IQCM: variants seen among roughly 807,000 people sequenced by gnomAD.
IQCM encodes IQ motif containing M, also known as IQ domain-containing protein M.
IQCM carries 45 observed loss-of-function variants against 57.6 expected under a neutral mutation model. That is an observed-to-expected ratio of 0.78 (90% CI 0.62 to 1.00). The LOEUF is 1.00. Ranked by LOEUF, IQCM falls within the 50% of genes least tolerant of loss-of-function variation. IQCM has a pLI of 0.00. For synonymous variants in IQCM, 148 were observed against 158.9 expected (o/e 0.93, Z 0.51); for missense variants, 468 against 511.6 (o/e 0.91, Z 0.82).
intron 12 of IQCM, among the ~76,000 whole-genome samples, chr4:149,519,775 C>T (rs1377449515): frequency 6.6e-6 from 1 of 151,962 alleles, no homozygotes; most frequent in Non-Finnish European, 1.5e-5. Flanking sequence ...GAGGCTGAAG[C>T]GAGTGGATCA....
chr4:149,622,342 C>CTTTTTTT (rs767957507), intron 7 of IQCM, among the ~76,000 whole-genome samples: 2 of 140,582 alleles, frequency 1.4e-5, no homozygotes. Flanking sequence ...CAGTGGAATT[C>CTTTTTTT]TTTTTTATTT....
At chr4:149,359,441 A>C (rs10010132) in intron 13 of IQCM, among the ~76,000 whole-genome samples, 30,443 of 152,084 alleles carry the variant, frequency 0.2, 3,159 homozygotes, top group South Asian at 0.33. Context: ...TTATGTAAAA[A>C]TAGCAATATT....
intron 3 of IQCM, among the ~76,000 whole-genome samples, chr4:149,737,339 C>T (rs948466926): frequency 6.6e-6 from 1 of 152,102 alleles, no homozygotes; most frequent in Admixed American, 6.5e-5. Flanking sequence ...CATTTTACAT[C>T]AAAAGAAGAA....
intron 9 of IQCM, among the ~76,000 whole-genome samples, chr4:149,571,018 G>C (rs988504768): frequency 2.0e-5 from 3 of 152,058 alleles, no homozygotes; most frequent in Non-Finnish European, 4.4e-5. Flanking sequence ...AGGACACAGA[G>C]AACAGGGAAC....
chr4:149,610,364 T>A (rs1475365492), intron 8 of IQCM, among the ~76,000 whole-genome samples: 1 of 151,720 alleles, frequency 6.6e-6, no homozygotes, highest in African/African-American at 2.4e-5. Context: ...TTCACAGAAA[T>A]AAAAAATAAT....
chr4:149,630,263 C>T (rs992371416), intron 7 of IQCM, among the ~76,000 whole-genome samples: 4 of 152,154 alleles, frequency 2.6e-5, no homozygotes, highest in Admixed American at 6.5e-5. Context: ...GCAGTTCTTG[C>T]GGGCAATGGA....
At chr4:149,416,305 T>C (rs949889945) in intron 13 of IQCM, among the ~76,000 whole-genome samples, 4 of 152,122 alleles carry the variant, frequency 2.6e-5, no homozygotes, top group Non-Finnish European at 4.4e-5. Context: ...AATATATTCC[T>C]GAGAAAATAT....
intron 8 of IQCM, among the ~76,000 whole-genome samples, chr4:149,603,987 C>G (rs1048511049): frequency 1.3e-5 from 2 of 152,058 alleles, no homozygotes; most frequent in Non-Finnish European, 1.5e-5. Flanking sequence ...ATTATTAGTA[C>G]TACTGCTGCA....
Position 149,366,134 on chromosome 4 carries a change from T to G in IQCM, c.1391-14068A>C, listed in dbSNP as rs183015271. Among the ~76,000 whole-genome samples, 1,050 of 152,120 alleles carry G rather than the reference T, an allele frequency of 6.9e-3. 5 individuals carry two copies. The highest frequency in any genetic ancestry group is 0.011 in the Non-Finnish European group (762 of 67,924). ...GTTCATTTAAAAAGTGGTACCAACT[T>G]TTTTACTATATAGGAGGGCTATCAC... On this transcript the variant is annotated intron_variant, in intron 13 of 13. Coordinates refer to ENST00000636793, the MANE Select transcript of IQCM (RefSeq NM_001363507.2).
intron 2 of IQCM, among the ~76,000 whole-genome samples, chr4:149,814,525 T>C (rs559139699): frequency 8.6e-5 from 13 of 151,572 alleles, no homozygotes; most frequent in Non-Finnish European, 8.8e-5. Context: ...TTATACTTAA[T>C]CATTCCAAAA....
chr4:149,460,770 T>C (rs1738188845), intron 12 of IQCM, among the ~76,000 whole-genome samples: 1 of 152,222 alleles, frequency 6.6e-6, no homozygotes, highest in Non-Finnish European at 1.5e-5. Context: ...TACCCATCTT[T>C]GCCATGTAGA....
At chr4:149,705,042 T>C (rs1172092408) in intron 5 of IQCM, among the ~76,000 whole-genome samples, 1 of 151,508 alleles carries the variant, frequency 6.6e-6, no homozygotes, top group Non-Finnish European at 1.5e-5. Context: ...CAACACCAGC[T>C]TTCCTGGTTC....
intron 12 of IQCM, among the ~76,000 whole-genome samples, chr4:149,495,591 G>T (rs1579260100): frequency 6.6e-6 from 1 of 152,206 alleles, no homozygotes; most frequent in East Asian, 1.9e-4. Context: ...GTACAGTAGA[G>T]TAAATATTGA....
chr4:149,617,895 T>C (rs1755943362), intron 8 of IQCM, among the ~76,000 whole-genome samples: 1 of 152,096 alleles, frequency 6.6e-6, no homozygotes. Context: ...GTCTCATGAA[T>C]TGGAAGGATA....
intron 2 of IQCM, among the ~76,000 whole-genome samples, chr4:149,763,352 A>G (rs1004624872): frequency 1.3e-5 from 2 of 152,058 alleles, no homozygotes; most frequent in African/African-American, 2.4e-5. Flanking sequence ...ATCACAGAGT[A>G]TTATTTTTTT....
chr4:149,559,924 C>T (rs559274203), intron 10 of IQCM, among the ~76,000 whole-genome samples: 2 of 152,266 alleles, frequency 1.3e-5, no homozygotes, highest in East Asian at 3.9e-4. Context: ...GAGCTAGAAC[C>T]CTATTGTGAA....
At chr4:149,506,700 A>G (rs1054146631) in intron 12 of IQCM, among the ~76,000 whole-genome samples, 6 of 152,224 alleles carry the variant, frequency 3.9e-5, no homozygotes, top group African/African-American at 1.4e-4. Context: ...GAATCCACAA[A>G]TAATTCCTAA....
At chr4:149,743,326 C>A (rs1268378646) in intron 2 of IQCM, among the ~76,000 whole-genome samples, 4 of 152,100 alleles carry the variant, frequency 2.6e-5, no homozygotes, top group African/African-American at 9.7e-5. Context: ...CTTCCATGAC[C>A]ACCCAGCCTC....
chr4:149,546,150 ATC>A (rs1748393623), intron 12 of IQCM, among the ~76,000 whole-genome samples: 1 of 152,154 alleles, frequency 6.6e-6, no homozygotes, highest in Non-Finnish European at 1.5e-5. Flanking sequence ...ACATGAACTC[ATC>A]TTTTTTATGG....
Sources: gnomAD v4.1 joint callset for allele counts (sites outside exome capture counted in the v4.1 genomes callset) on GRCh38, gnomAD v4.1.1 for gene constraint, MANE v1.5 for transcripts, NCBI Gene and HGNC (gene_info 2026-07-23, HGNC 2026-07-21) for gene names.